Variants in DPP10 observed in about 807,000 individuals in gnomAD.
DPP10 encodes the protein dipeptidyl peptidase like 10.
A neutral mutation model predicts 120.9 loss-of-function variants in DPP10; 33 were observed. That is an observed-to-expected ratio of 0.27 (90% CI 0.21 to 0.37). The LOEUF (loss-of-function observed/expected upper bound fraction) is 0.37, where lower values mean the gene tolerates loss of function less well. DPP10 is among the 10% of genes least tolerant of loss of function. The pLI is 1.00. For synonymous variants in DPP10, 337 were observed against 326.1 expected, an observed-to-expected ratio of 1.03 and a Z score of -0.36; for missense variants, 816 against 942.8, an observed-to-expected ratio of 0.87 and a Z score of 1.76.
intron 1 of DPP10, among the ~76,000 whole-genome samples, chr2:114,967,728 G>A (rs183908474): frequency 9.9e-5 from 15 of 152,186 alleles, no homozygotes; most frequent in South Asian, 2.1e-4. Flanking sequence ...TGGTCATTCC[G>A]TCTGCTAAAA....
chr2:114,628,714 G>C (rs1372261118), intron 1 of DPP10, among the ~76,000 whole-genome samples: 1 of 152,110 alleles, frequency 6.6e-6, no homozygotes. Flanking sequence ...GCGGGGGAAA[G>C]CTTAGACAAA....
intron 1 of DPP10, among the ~76,000 whole-genome samples, chr2:114,942,340 CGTATATATACAT>C (rs1697002827): frequency 9.2e-6 from 1 of 108,340 alleles, no homozygotes; most frequent in South Asian, 2.9e-4. Flanking sequence ...TATATATATA[CGTATATATACAT>C]ATATATATAC....
At chr2:114,536,378 TTC>T (rs1317189362) in intron 1 of DPP10, among the ~76,000 whole-genome samples, 3 of 151,722 alleles carry the variant, frequency 2.0e-5, no homozygotes, top group African/African-American at 7.3e-5. Context: ...TTCCTTTTTT[TTC>T]TTTCCTTCTT....
At chr2:115,683,085 A>G (rs190005472) in intron 5 of DPP10, among the ~76,000 whole-genome samples, 152 of 152,010 alleles carry the variant, frequency 1.0e-3, no homozygotes, top group Non-Finnish European at 1.7e-3. Flanking sequence ...TTTATGTTTT[A>G]TAGATTTTGT....
chr2:115,766,895 C>T (rs992562202), intron 12 of DPP10, among the ~76,000 whole-genome samples: 11 of 152,304 alleles, frequency 7.2e-5, no homozygotes, highest in Admixed American at 2.0e-4. Context: ...ACTGCTAAAC[C>T]ATTCGTGAAG....
intron 1 of DPP10, among the ~76,000 whole-genome samples, chr2:114,839,996 G>A (rs1284189113): frequency 6.6e-6 from 1 of 152,096 alleles, no homozygotes; most frequent in African/African-American, 2.4e-5. Context: ...CATTTCAGGA[G>A]GTGGGACGGT....
intron 1 of DPP10, among the ~76,000 whole-genome samples, chr2:115,303,628 A>G (rs2061239283): frequency 6.6e-6 from 1 of 151,892 alleles, no homozygotes; most frequent in Non-Finnish European, 1.5e-5. Context: ...TATTTCCCAT[A>G]GCAAAATTTT....
intron 1 of DPP10, among the ~76,000 whole-genome samples, chr2:114,561,097 G>T (rs538092071): frequency 6.6e-6 from 1 of 152,028 alleles, no homozygotes; most frequent in East Asian, 1.9e-4. Flanking sequence ...CACCAGCTCC[G>T]TCCGCTCCTT....
At chr2:114,864,758 G>A (rs1207171654) in intron 1 of DPP10, among the ~76,000 whole-genome samples, 3 of 152,130 alleles carry the variant, frequency 2.0e-5, no homozygotes, top group Non-Finnish European at 2.9e-5. Flanking sequence ...CTGCACAGTG[G>A]ACCTAACCAC....
intron 4 of DPP10, among the ~76,000 whole-genome samples, chr2:115,512,235 G>A (rs534982995): frequency 2.6e-5 from 4 of 152,110 alleles, no homozygotes; most frequent in South Asian, 2.1e-4. Flanking sequence ...TGAGAAGCTG[G>A]GACTTCAGGC....
At chr2:115,616,861 T>C (rs1262559377) in intron 5 of DPP10, among the ~76,000 whole-genome samples, 1 of 152,110 alleles carries the variant, frequency 6.6e-6, no homozygotes, top group Admixed American at 6.6e-5. Context: ...CACCGTCTCA[T>C]GCTACTGACT....
At chr2:114,615,308 T>A (rs562148797) in intron 1 of DPP10, among the ~76,000 whole-genome samples, 1 of 152,304 alleles carries the variant, frequency 6.6e-6, no homozygotes, top group South Asian at 2.1e-4. Context: ...ATTTTCTACA[T>A]ACTGAGCACT....
chr2:114,504,909 G>T (rs377041312), intron 1 of DPP10, among the ~76,000 whole-genome samples: 1 of 151,716 alleles, frequency 6.6e-6, no homozygotes, highest in Non-Finnish European at 1.5e-5. Context: ...AAAATTAGCC[G>T]GGCATGGTGG....
At chr2:114,663,668 T>TATATATATATAGAGAGAGAGAGAGAGAG in intron 1 of DPP10, among the ~76,000 whole-genome samples, 14 of 80,704 alleles carry the variant, frequency 1.7e-4, no homozygotes, top group African/African-American at 1.2e-3. Flanking sequence ...TATATATATA[T>TATATATATATAGAGAGAGAGAGAGAGAG]AGAGAGAGAG....
intron 1 of DPP10, among the ~76,000 whole-genome samples, chr2:114,993,835 G>C (rs1700911498): frequency 1.3e-5 from 2 of 151,948 alleles, no homozygotes; most frequent in Admixed American, 1.3e-4. Context: ...ATTTTGAGAA[G>C]CAATTGTAAT....
intron 1 of DPP10, among the ~76,000 whole-genome samples, chr2:114,878,356 A>T (rs1405585473): frequency 2.0e-5 from 3 of 152,134 alleles, no homozygotes; most frequent in Admixed American, 2.0e-4. Flanking sequence ...TGATACATGC[A>T]TACAAAGTGT....
chr2:115,031,310 C>G (rs920836253), intron 1 of DPP10, among the ~76,000 whole-genome samples: 1 of 152,148 alleles, frequency 6.6e-6, no homozygotes, highest in Non-Finnish European at 1.5e-5. Context: ...ATTTATGTGG[C>G]AACATGGCAC....
chr2:114,502,105 TTTGTATTTA>T (rs1683244523), intron 1 of DPP10, among the ~76,000 whole-genome samples: 1 of 150,886 alleles, frequency 6.6e-6, no homozygotes, highest in Admixed American at 6.6e-5. Context: ...TCAGCTAATT[TTTGTATTTA>T]TTTTATTTAT....
At chr2:114,675,947 G>A (rs973692802) in intron 1 of DPP10, among the ~76,000 whole-genome samples, 1 of 151,892 alleles carries the variant, frequency 6.6e-6, no homozygotes, top group African/African-American at 2.4e-5. Flanking sequence ...TTACAAGTGT[G>A]CACCACCATG....
Sources: allele counts gnomAD v4.1 joint callset (sites outside exome capture counted in the v4.1 genomes callset), GRCh38; gene constraint gnomAD v4.1.1; transcripts MANE v1.5; gene names NCBI Gene and HGNC (gene_info 2026-07-23, HGNC 2026-07-21).